The following DPP6 variants were observed in gnomAD, a reference collection of about 807,000 sequenced individuals.
The protein encoded by DPP6 is A-type potassium channel modulatory protein DPP6.
In DPP6, 69 loss-of-function variants were observed where a neutral mutation model predicts 122.6. The ratio of observed to expected loss-of-function variants is 0.56; its 90% CI spans 0.46 to 0.69. The LOEUF (loss-of-function observed/expected upper bound fraction) is 0.69. DPP6 is among the 30% of genes least tolerant of loss of function. The pLI is 0.00. For missense variants in DPP6, 928 were observed against 1,116.9 expected (o/e 0.83, Z 2.41); for synonymous variants, 418 against 433.1 (o/e 0.97, Z 0.43).
In DPP6 at chr7:154,887,679, C is replaced by T; in HGVS notation, c.2249C>T (p.Ser750Phe). The change falls in exon 23 of 26, where the codon TCT becomes TTT. Residue 750 changes from serine (S) to phenylalanine (F), a missense_variant. Physicochemically the swap from Ser to Phe is radical, Grantham distance 155. Coordinates refer to ENST00000377770, the MANE Select transcript of DPP6 (RefSeq NM_130797.4). The part of the protein sequence containing the change: ...SPITDFKLYA[S>F]AFSERYLGLH... ...CCCTCCCTTTGCTTCCGTGCAGCCT[C>T]TGCGTTTTCCGAGAGGTACTTGGGC... 2 of 1,613,966 alleles carry T rather than the reference C, an allele frequency of 1.2e-6. No individual in the cohort carries two copies. The highest frequency in any genetic ancestry group is 1.7e-6 in the Non-Finnish European group (2 of 1,179,838).
At chr7:154,822,749 C>T (rs1328464203) in intron 16 of DPP6, among the ~76,000 whole-genome samples, 1 of 152,192 alleles carries the variant, frequency 6.6e-6, no homozygotes, top group East Asian at 1.9e-4. Context: ...CCTAATTGCT[C>T]TCTAGCCCTC....
intron 10 of DPP6, among the ~76,000 whole-genome samples, chr7:154,785,077 C>A (rs1797260642): frequency 6.6e-6 from 1 of 152,166 alleles, no homozygotes; most frequent in Non-Finnish European, 1.5e-5. Context: ...ATAGGTTCAG[C>A]CTCATTCAGA....
At chr7:154,458,273 C>G (rs575513686) in intron 2 of DPP6, among the ~76,000 whole-genome samples, 4 of 152,314 alleles carry the variant, frequency 2.6e-5, no homozygotes, top group African/African-American at 7.2e-5. Context: ...GAATAAGTCT[C>G]ATGAGACCTG....
chr7:154,444,228 C>A (rs150890525), intron 1 of DPP6, among the ~76,000 whole-genome samples: 28,882 of 151,540 alleles, frequency 0.19, 3,847 homozygotes, highest in African/African-American at 0.38. Flanking sequence ...GAGGCCGAGG[C>A]GGGCGGATCG....
chr7:154,705,676 C>G (rs1840789699), intron 7 of DPP6, among the ~76,000 whole-genome samples: 1 of 152,166 alleles, frequency 6.6e-6, no homozygotes, highest in African/African-American at 2.4e-5. Flanking sequence ...GGCCAGGGCT[C>G]CCAGACAGCC....
the DPP6 span, among the ~76,000 whole-genome samples, chr7:153,815,127 G>A: frequency 6.6e-6 from 1 of 152,086 alleles, no homozygotes; most frequent in African/African-American, 2.4e-5. Flanking sequence ...GGCAGGAGAA[G>A]GAAATAAAGG....
At chr7:154,688,876 A>G (rs915248104) in intron 7 of DPP6, among the ~76,000 whole-genome samples, 3 of 152,202 alleles carry the variant, frequency 2.0e-5, no homozygotes, top group Non-Finnish European at 4.4e-5. Context: ...AATCCAATCA[A>G]GTTGACACTC....
chr7:154,590,179 C>T (rs375406811), intron 5 of DPP6, among the ~76,000 whole-genome samples: 2 of 152,194 alleles, frequency 1.3e-5, no homozygotes, highest in East Asian at 1.9e-4. Flanking sequence ...GCAGATGACC[C>T]TGCAGTGATA....
intron 6 of DPP6, among the ~76,000 whole-genome samples, chr7:154,648,609 A>G (rs1283456379): frequency 6.6e-6 from 1 of 152,102 alleles, no homozygotes; most frequent in African/African-American, 2.4e-5. Context: ...ATTGTGGTAC[A>G]ATTTACTTCT....
At chr7:153,942,530 G>A (rs1801744400) in intron 1 of DPP6, among the ~76,000 whole-genome samples, 1 of 152,190 alleles carries the variant, frequency 6.6e-6, no homozygotes, top group Non-Finnish European at 1.5e-5. Flanking sequence ...TGGAGAGGAG[G>A]TCAGTAATGG....
chr7:154,437,056 T>C (rs1395144019), intron 1 of DPP6, among the ~76,000 whole-genome samples: 2 of 152,182 alleles, frequency 1.3e-5, no homozygotes, highest in Non-Finnish European at 2.9e-5. Context: ...GACAGACCAA[T>C]GACACCCCAT....
At chr7:154,345,487 G>T (rs1202277464) in intron 1 of DPP6, among the ~76,000 whole-genome samples, 1 of 152,166 alleles carries the variant, frequency 6.6e-6, no homozygotes. Context: ...TTTCCCATGG[G>T]TTGGAAAGTG....
intron 1 of DPP6, among the ~76,000 whole-genome samples, chr7:154,199,973 C>T (rs1799084698): frequency 1.3e-5 from 2 of 152,182 alleles, no homozygotes; most frequent in South Asian, 2.1e-4. Flanking sequence ...GAGCCCCGCC[C>T]GTAATGCCTG....
At chr7:154,400,682 A>T (rs1815496143) in intron 1 of DPP6, among the ~76,000 whole-genome samples, 1 of 152,242 alleles carries the variant, frequency 6.6e-6, no homozygotes. Flanking sequence ...ACACATACAC[A>T]TACAAAATAC....
intron 10 of DPP6, among the ~76,000 whole-genome samples, chr7:154,775,162 C>G (rs1261680474): frequency 6.6e-6 from 1 of 152,188 alleles, no homozygotes; most frequent in Non-Finnish European, 1.5e-5. Context: ...TGAAGGTTCT[C>G]TAGCCAACTG....
chr7:154,032,420 G>A (rs1255993857), intron 1 of DPP6, among the ~76,000 whole-genome samples: 3 of 152,174 alleles, frequency 2.0e-5, no homozygotes, highest in Middle Eastern at 3.4e-3. Flanking sequence ...TATACCGTTG[G>A]GAGCACTGAT....
chr7:154,190,236 G>T (rs959538208), intron 1 of DPP6, among the ~76,000 whole-genome samples: 1 of 152,150 alleles, frequency 6.6e-6, no homozygotes, highest in Non-Finnish European at 1.5e-5. Flanking sequence ...ATGGAATGGC[G>T]CTGCCAGGAA....
chr7:154,639,195 G>A (rs1275560119), intron 6 of DPP6, among the ~76,000 whole-genome samples: 1 of 152,190 alleles, frequency 6.6e-6, no homozygotes, highest in Non-Finnish European at 1.5e-5. Context: ...TTTAGACAAA[G>A]GGAAGACGCA....
chr7:154,639,687 T>C (rs1047502341), intron 6 of DPP6, among the ~76,000 whole-genome samples: 1 of 151,968 alleles, frequency 6.6e-6, no homozygotes. Flanking sequence ...GCTCGGCTTC[T>C]GCACTTAGAT....
Sources: gnomAD v4.1 joint callset for allele counts (sites outside exome capture counted in the v4.1 genomes callset) on GRCh38, gnomAD v4.1.1 for gene constraint, MANE v1.5 for transcripts, NCBI Gene and HGNC (gene_info 2026-07-23, HGNC 2026-07-21) for gene names.